Variants in LRFN5 observed in about 807,000 individuals in gnomAD.
The protein encoded by LRFN5 is leucine rich repeat and fibronectin type III domain containing 5.
A neutral mutation model predicts 45.6 loss-of-function variants in LRFN5; 24 were observed. That is an observed-to-expected ratio of 0.53 (90% CI 0.38 to 0.74). The LOEUF is 0.74. Among genes scored for constraint, LRFN5 ranks in the 30% least tolerant of loss-of-function variants. The probability of loss-of-function intolerance (pLI) is 0.00; values close to 1 mark genes in which losing one functional copy is unlikely to be tolerated. For missense variants in LRFN5, 776 were observed against 861.5 expected, an observed-to-expected ratio of 0.90 and a Z score of 1.24; for synonymous variants, 340 against 313.8, an observed-to-expected ratio of 1.08 and a Z score of -0.88.
intron 1 of LRFN5, among the ~76,000 whole-genome samples, chr14:41,682,390 CTTA>C (rs1252487502): frequency 2.0e-5 from 3 of 151,826 alleles, no homozygotes. Context: ...TATCTGTTTA[CTTA>C]TTAGTTAATT....
At chr14:41,872,124 T>A (rs1395423032) in intron 2 of LRFN5, among the ~76,000 whole-genome samples, 1 of 152,182 alleles carries the variant, frequency 6.6e-6, no homozygotes, top group Non-Finnish European at 1.5e-5. Flanking sequence ...GCTAAATGTG[T>A]TTATTCACTT....
At chr14:41,849,767 A>G (rs544554854) in intron 2 of LRFN5, among the ~76,000 whole-genome samples, 1 of 152,066 alleles carries the variant, frequency 6.6e-6, no homozygotes, top group East Asian at 1.9e-4. Context: ...ACTTTTATAA[A>G]TTTTAAAATA....
intron 2 of LRFN5, among the ~76,000 whole-genome samples, chr14:41,823,421 T>TTATCTATATCTA (rs58012120): frequency 0.043 from 6,428 of 150,720 alleles, 452 homozygotes; most frequent in African/African-American, 0.15. Flanking sequence ...AATTCTTGGC[T>TTATCTATATCTA]TATCTATATC....
chr14:41,780,038 T>C (rs1033118522), intron 2 of LRFN5, among the ~76,000 whole-genome samples: 6 of 151,950 alleles, frequency 3.9e-5, no homozygotes, highest in African/African-American at 1.4e-4. Flanking sequence ...AGAAAGACTA[T>C]TGAATTTATA....
chr14:41,698,493 C>T (rs111881130), intron 1 of LRFN5, among the ~76,000 whole-genome samples: 8,864 of 152,010 alleles, frequency 0.058, 280 homozygotes, highest in Admixed American at 0.087. Context: ...AATACCATTG[C>T]CTGGGCCATA....
chr14:41,628,407 A>G (rs930173767), intron 1 of LRFN5, among the ~76,000 whole-genome samples: 2 of 152,104 alleles, frequency 1.3e-5, no homozygotes, highest in Non-Finnish European at 2.9e-5. Flanking sequence ...TAGGATCTAA[A>G]GACTGAGCAA....
Position 41,887,243 on chromosome 14 carries a change from A to G in LRFN5, c.618A>G (p.Lys206=). 1 of 1,614,204 alleles carries G rather than the reference A, an allele frequency of 6.2e-7. No homozygotes were observed. The highest frequency in any genetic ancestry group is 1.1e-5 in the South Asian group (1 of 91,088). ...KMTRLDVTSN[K]LQKLPPDPLF... is the part of the protein sequence containing the mutation. ...CTCGGTTAGATGTGACATCAAATAA[A>G]TTGCAGAAGCTACCACCTGACCCTC... The change falls in exon 3 of 6, where the codon AAA becomes AAG. Residue 206 remains lysine, a synonymous_variant. Coordinates refer to ENST00000298119, the MANE Select transcript of LRFN5 (RefSeq NM_152447.5). The surrounding 1 kb of genome is among the most constrained non-coding windows in gnomAD (Gnocchi z 4.8).
chr14:41,856,541 C>T (rs185550060), intron 2 of LRFN5, among the ~76,000 whole-genome samples: 369 of 151,824 alleles, frequency 2.4e-3, no homozygotes, highest in Non-Finnish European at 3.8e-3. Context: ...TGAATGTGAG[C>T]ATTTCAAACT....
chr14:41,724,236 T>C (rs997877602), intron 1 of LRFN5, among the ~76,000 whole-genome samples: 1 of 152,178 alleles, frequency 6.6e-6, no homozygotes, highest in Non-Finnish European at 1.5e-5. Context: ...GTATGCACTA[T>C]CTTGCTGTTT....
intron 1 of LRFN5, among the ~76,000 whole-genome samples, chr14:41,668,385 A>G (rs1881005995): frequency 6.6e-6 from 1 of 152,140 alleles, no homozygotes; most frequent in South Asian, 2.1e-4. Context: ...TTTGCTTTCA[A>G]TACTCAATTT....
At chr14:41,746,986 A>G (rs2138834346) in intron 1 of LRFN5, among the ~76,000 whole-genome samples, 1 of 152,138 alleles carries the variant, frequency 6.6e-6, no homozygotes, top group Non-Finnish European at 1.5e-5. Context: ...AGAGTTAGGA[A>G]TAAACGTAAC....
At chr14:41,794,677 T>G (rs1050435434) in intron 2 of LRFN5, among the ~76,000 whole-genome samples, 1 of 152,032 alleles carries the variant, frequency 6.6e-6, no homozygotes, top group African/African-American at 2.4e-5. Context: ...TGATTGTCCT[T>G]TGGTAGATAA....
chr14:41,674,200 G>C (rs1157913453), intron 1 of LRFN5, among the ~76,000 whole-genome samples: 1 of 139,010 alleles, frequency 7.2e-6, no homozygotes, highest in Non-Finnish European at 1.6e-5. Flanking sequence ...CCGGGCGGGG[G>C]GCTGACCCCC....
chr14:41,836,427 G>C (rs187954232), intron 2 of LRFN5, among the ~76,000 whole-genome samples: 24 of 152,214 alleles, frequency 1.6e-4, no homozygotes, highest in Admixed American at 1.4e-3. Flanking sequence ...ACATGTGTAT[G>C]TTTGGGCATA....
At chr14:41,642,039 G>T (rs1297168308) in intron 1 of LRFN5, among the ~76,000 whole-genome samples, 3 of 152,084 alleles carry the variant, frequency 2.0e-5, no homozygotes, top group Admixed American at 6.6e-5. Flanking sequence ...TTGATTTACA[G>T]CTTAATAGAG....
intron 2 of LRFN5, among the ~76,000 whole-genome samples, chr14:41,782,716 C>T (rs997025510): frequency 6.6e-6 from 1 of 152,102 alleles, no homozygotes; most frequent in African/African-American, 2.4e-5. Context: ...TTGAAGGTGC[C>T]AGAGGCTGTA....
chr14:41,609,185 T>G (rs1887627362), intron 1 of LRFN5, among the ~76,000 whole-genome samples: 1 of 152,170 alleles, frequency 6.6e-6, no homozygotes, highest in Admixed American at 6.5e-5. Context: ...GGACGTGCTT[T>G]TATGTAGCAG....
intron 2 of LRFN5, among the ~76,000 whole-genome samples, chr14:41,839,059 C>T (rs764631821): frequency 5.3e-5 from 8 of 152,064 alleles, no homozygotes; most frequent in Admixed American, 4.6e-4. Flanking sequence ...TGTCTGTCTC[C>T]TCTCAAGGTC....
intron 1 of LRFN5, among the ~76,000 whole-genome samples, chr14:41,756,148 T>C (rs1043093846): frequency 2.6e-5 from 4 of 152,198 alleles, no homozygotes; most frequent in Non-Finnish European, 4.4e-5. Flanking sequence ...GTTAGTCTGA[T>C]TGGCTTCCCT....
Sources: allele counts gnomAD v4.1 joint callset (sites outside exome capture counted in the v4.1 genomes callset), GRCh38; gene constraint gnomAD v4.1.1; non-coding constraint Gnocchi (gnomAD v3.1); transcripts MANE v1.5; gene names NCBI Gene and HGNC (gene_info 2026-07-23, HGNC 2026-07-21).